TENM3: variants seen among roughly 807,000 people sequenced by gnomAD.
The protein encoded by TENM3 is teneurin transmembrane protein 3, also known as teneurin-3.
In TENM3, 63 loss-of-function variants were observed where a neutral mutation model predicts 255.1. That is an observed-to-expected ratio of 0.25 (90% CI 0.20 to 0.30). The LOEUF is 0.30. TENM3 is among the 10% of genes least tolerant of loss of function. TENM3 has a pLI of 1.00. For missense variants in TENM3, 2,929 were observed against 3,461.1 expected, an observed-to-expected ratio of 0.85 and a Z score of 3.86; for synonymous variants, 1,306 against 1,322.3, an observed-to-expected ratio of 0.99 and a Z score of 0.27.
chr4:181,782,252 G>A, the TENM3 span, among the ~76,000 whole-genome samples: 7 of 152,036 alleles, frequency 4.6e-5, no homozygotes, highest in Non-Finnish European at 7.4e-5. Flanking sequence ...TCTGGCCCTG[G>A]ACTTTTTTTG....
the TENM3 span, among the ~76,000 whole-genome samples, chr4:181,465,316 T>A: frequency 6.7e-6 from 1 of 148,814 alleles, no homozygotes; most frequent in Non-Finnish European, 1.5e-5. Flanking sequence ...ACATATTTAT[T>A]TTTTCATTAA....
chr4:182,518,251 T>C (rs951686256), intron 3 of TENM3, among the ~76,000 whole-genome samples: 1 of 151,978 alleles, frequency 6.6e-6, no homozygotes, highest in African/African-American at 2.4e-5. Flanking sequence ...TAGGCAGAAT[T>C]CCAAGATGGC....
intron 2 of TENM3, among the ~76,000 whole-genome samples, chr4:182,333,507 C>T (rs1200827133): frequency 1.3e-5 from 2 of 152,034 alleles, no homozygotes; most frequent in Non-Finnish European, 2.9e-5. Context: ...AGATGATTTA[C>T]ACGTTTTGGA....
At chr4:181,659,294 T>G in the TENM3 span, among the ~76,000 whole-genome samples, 10 of 152,248 alleles carry the variant, frequency 6.6e-5, no homozygotes, top group African/African-American at 2.2e-4. Flanking sequence ...GGTGGGCCAG[T>G]TCCTCCTCTT....
At chr4:182,125,233 CTG>C in the TENM3 span, among the ~76,000 whole-genome samples, 1 of 152,078 alleles carries the variant, frequency 6.6e-6, no homozygotes, top group Non-Finnish European at 1.5e-5. Context: ...CGCATCCACG[CTG>C]TGTGTGCTAC....
chr4:182,598,611 A>G (rs1747521733), intron 3 of TENM3, among the ~76,000 whole-genome samples: 1 of 152,244 alleles, frequency 6.6e-6, no homozygotes, highest in South Asian at 2.1e-4. Context: ...TTTCAGTAAC[A>G]GTGTTCTTGT....
At chr4:182,633,781 A>G (rs1010669416) in intron 5 of TENM3, among the ~76,000 whole-genome samples, 1 of 152,240 alleles carries the variant, frequency 6.6e-6, no homozygotes, top group Admixed American at 6.5e-5. Context: ...CTCTTACACT[A>G]TACTGTCTCC....
chr4:181,837,387 T>A, the TENM3 span, among the ~76,000 whole-genome samples: 1 of 152,232 alleles, frequency 6.6e-6, no homozygotes, highest in Non-Finnish European at 1.5e-5. Flanking sequence ...TTTTTCATTA[T>A]GAATGAATAT....
intron 2 of TENM3, among the ~76,000 whole-genome samples, chr4:182,333,510 G>A (rs926932089): frequency 5.9e-5 from 9 of 152,160 alleles, no homozygotes; most frequent in Non-Finnish European, 8.8e-5. Flanking sequence ...TGATTTACAC[G>A]TTTTGGAAAA....
At chr4:181,519,976 T>C in the TENM3 span, among the ~76,000 whole-genome samples, 7 of 152,200 alleles carry the variant, frequency 4.6e-5, no homozygotes, top group Non-Finnish European at 7.3e-5. Context: ...CAGAATTTCT[T>C]TCTTATTTCC....
At chr4:181,717,623 A>T in the TENM3 span, among the ~76,000 whole-genome samples, 2 of 152,218 alleles carry the variant, frequency 1.3e-5, no homozygotes, top group Non-Finnish European at 2.9e-5. Flanking sequence ...CCTGTCTGAG[A>T]TGGTTAGAGA....
chr4:182,175,403 G>GT (rs373561890), intron 1 of TENM3, among the ~76,000 whole-genome samples: 52 of 151,502 alleles, frequency 3.4e-4, no homozygotes, highest in African/African-American at 1.1e-3. Flanking sequence ...TTTGCAAGCT[G>GT]TTTTTTCAGT....
At chr4:182,420,517 C>T (rs951118353) in intron 3 of TENM3, among the ~76,000 whole-genome samples, 8 of 152,168 alleles carry the variant, frequency 5.3e-5, no homozygotes, top group African/African-American at 1.9e-4. Flanking sequence ...CAAGTTTTGT[C>T]AGGAAGTTTC....
chr4:181,993,657 C>G, the TENM3 span, among the ~76,000 whole-genome samples: 4,383 of 152,160 alleles, frequency 0.029, 297 homozygotes, highest in East Asian at 0.32. Flanking sequence ...AAATGCTTTT[C>G]TTTCCCATAC....
the TENM3 span, among the ~76,000 whole-genome samples, chr4:182,041,192 C>T: frequency 6.6e-6 from 1 of 151,994 alleles, no homozygotes; most frequent in African/African-American, 2.4e-5. Flanking sequence ...GTGTGTGTGT[C>T]GTGTATGTAT....
At chr4:182,152,843 C>G (rs1750437344) in intron 1 of TENM3, among the ~76,000 whole-genome samples, 1 of 151,080 alleles carries the variant, frequency 6.6e-6, no homozygotes, top group African/African-American at 2.4e-5. Context: ...TAACTTAAAC[C>G]AAAGAAAAAA....
intron 21 of TENM3, 100 bp downstream of exon 21, chr4:182,753,704 T>A: frequency 9.1e-7 from 1 of 1,102,832 alleles, no homozygotes; most frequent in South Asian, 1.7e-5. Context: ...GCATATATCA[T>A]GTGTTGCAGT....
At chr4:182,764,229 A>G (rs1382654961) in intron 22 of TENM3, among the ~76,000 whole-genome samples, 2 of 152,230 alleles carry the variant, frequency 1.3e-5, no homozygotes, top group Admixed American at 6.5e-5. Context: ...TTTGATCATC[A>G]AGCATTTCCT....
chr4:182,077,437 T>C, the TENM3 span, among the ~76,000 whole-genome samples: 1 of 152,202 alleles, frequency 6.6e-6, no homozygotes, highest in Admixed American at 6.5e-5. Context: ...AAATGGCCCC[T>C]GCTTCAGCTG....
Sources: gnomAD v4.1 joint callset for allele counts (sites outside exome capture counted in the v4.1 genomes callset) on GRCh38, gnomAD v4.1.1 for gene constraint, MANE v1.5 for transcripts, NCBI Gene and HGNC (gene_info 2026-07-23, HGNC 2026-07-21) for gene names.